Variants in RASGRP3 observed in about 807,000 individuals in gnomAD.
RASGRP3 encodes the protein ras guanyl-releasing protein 3.
In RASGRP3, 54 loss-of-function variants were observed where a neutral mutation model predicts 82.7. That is an observed-to-expected ratio of 0.65 (90% CI 0.52 to 0.82). The LOEUF (loss-of-function observed/expected upper bound fraction) is 0.82. Among genes scored for constraint, RASGRP3 ranks in the 40% least tolerant of loss-of-function variants. RASGRP3 has a pLI of 0.00. For missense variants in RASGRP3, 861 were observed against 828.9 expected (o/e 1.04, Z -0.48); for synonymous variants, 309 against 300.5 (o/e 1.03, Z -0.29).
At chr2:33,551,299 C>T (rs942006781) in intron 14 of RASGRP3, among the ~76,000 whole-genome samples, 2 of 151,730 alleles carry the variant, frequency 1.3e-5, no homozygotes, top group African/African-American at 2.4e-5. Context: ...GGTGACAGAG[C>T]GAGACTCAGT....
intron 2 of RASGRP3, chr2:33,513,881 C>G (rs1351661716): frequency 6.6e-6 from 1 of 152,154 alleles, no homozygotes; most frequent in Non-Finnish European, 1.5e-5. Flanking sequence ...GAGTGATACC[C>G]TTTACACTAG....
intron 17 of RASGRP3, among the ~76,000 whole-genome samples, chr2:33,562,004 TAAATA>T (rs1002431052): frequency 6.6e-6 from 1 of 152,094 alleles, no homozygotes; most frequent in East Asian, 1.9e-4. Context: ...AAATGCTGAC[TAAATA>T]AAATGGAATA....
chr2:33,558,784 G>A lies in RASGRP3; in HGVS notation c.1818G>A (p.Gln606=), dbSNP rs1174163200. Reference sequence around the variant, plus strand: ...CTCGCAAGATCTCTGTGAGGCTACAGAGGGCCACCACCAGCCAGGCCACCC... The same window carrying A: ...CTCGCAAGATCTCTGTGAGGCTACAAAGGGCCACCACCAGCCAGGCCACCC... ...GSSRKISVRL[Q]RATTSQATQT... The change falls in exon 17 of 18, where the codon CAG becomes CAA. Residue 606 remains glutamine, a synonymous_variant. Coordinates refer to ENST00000403687, the MANE Select transcript of RASGRP3 (RefSeq NM_001139488.2). The A allele has an allele frequency of 2.5e-6, 4 of 1,613,998 alleles. No homozygotes were observed. The highest frequency in any genetic ancestry group is 1.3e-5 in the African/African-American group (1 of 75,034).
chr2:33,554,031 C>T lies in RASGRP3; in HGVS notation c.1543-1500C>T, dbSNP rs566706464. ...GGATTACAGGCGTGAGCCACCGCGCCCGGCTGACATTTGCATTTTAATATG... is the reference window on the plus strand; with the variant it reads ...GGATTACAGGCGTGAGCCACCGCGCTCGGCTGACATTTGCATTTTAATATG... On this transcript the variant is annotated intron_variant, in intron 14 of 17. Transcript: ENST00000403687. Among the ~76,000 whole-genome samples the T allele has an allele frequency of 7.2e-5, 11 of 152,260 alleles. No individual in the cohort carries two copies. The South Asian group carries it at 1.9e-3, about 26-fold the overall frequency.
Position 33,464,096 on chromosome 2 carries a change from T to TTAATAATAA in RASGRP3, c.-261+16161_-261+16169dup, listed in dbSNP as rs141203941. On this transcript the variant is annotated intron_variant, in intron 2 of 18. Transcript: ENST00000402538. ...TTAGTAATTCTTGCAATATTCAAAC[T>TTAATAATAA]TAATAATAATAATAATTATTATTAT... Among the ~76,000 whole-genome samples, 354 of 134,510 alleles carry TTAATAATAA rather than the reference T, an allele frequency of 2.6e-3. 4 individuals are homozygous for TTAATAATAA. The highest frequency in any genetic ancestry group is 8.8e-3 in the African/African-American group (327 of 37,132). The allele number at this position is 134,510 out of a possible 152,430, so 88.2% of individuals were successfully genotyped here.
chr2:33,465,547 T>A (rs1296798282), intron 2 of RASGRP3, among the ~76,000 whole-genome samples: 1 of 152,218 alleles, frequency 6.6e-6, no homozygotes, highest in Non-Finnish European at 1.5e-5. Context: ...GAACATGTTA[T>A]TAAGTAAAGT....
At chr2:33,542,410 T>C (rs1048346861) in intron 12 of RASGRP3, among the ~76,000 whole-genome samples, 6 of 147,226 alleles carry the variant, frequency 4.1e-5, no homozygotes, top group African/African-American at 1.5e-4. Context: ...TTAGCCTGTT[T>C]TCAACATGCC....
intron 1 of RASGRP3, among the ~76,000 whole-genome samples, chr2:33,437,480 T>C (rs939589878): frequency 3.3e-5 from 5 of 152,236 alleles, no homozygotes; most frequent in Admixed American, 6.5e-5. Flanking sequence ...GTTACCACAA[T>C]GACTAACAGA....
At chr2:33,512,179 C>A (rs149019116) in intron 2 of RASGRP3, among the ~76,000 whole-genome samples, 3 of 152,202 alleles carry the variant, frequency 2.0e-5, no homozygotes, top group African/African-American at 7.2e-5. Flanking sequence ...GATAGCCCGG[C>A]CCACCTGGCC....
intron 2 of RASGRP3, among the ~76,000 whole-genome samples, chr2:33,460,717 G>C (rs922161266): frequency 3.3e-5 from 5 of 151,994 alleles, no homozygotes; most frequent in African/African-American, 1.2e-4. Flanking sequence ...GTTTCACCTT[G>C]TTGCCTAGGC....
At chr2:33,537,578 C>G (rs937937454) in intron 11 of RASGRP3, among the ~76,000 whole-genome samples, 1 of 152,064 alleles carries the variant, frequency 6.6e-6, no homozygotes. Context: ...CCAGGCTGGT[C>G]TCAAACTCCT....
intron 1 of RASGRP3, among the ~76,000 whole-genome samples, chr2:33,488,593 G>A (rs371305545): frequency 6.6e-6 from 1 of 152,326 alleles, no homozygotes; most frequent in East Asian, 1.9e-4. Flanking sequence ...TCCTCCAGAA[G>A]AGGATTAAAG....
At chr2:33,491,855 C>A (rs766496022) in intron 1 of RASGRP3, among the ~76,000 whole-genome samples, 3 of 152,230 alleles carry the variant, frequency 2.0e-5, no homozygotes, top group Non-Finnish European at 4.4e-5. Context: ...CAGCCCGTGG[C>A]TGAGGCTTAG....
At position 33,462,058 on chromosome 2, in the gene RASGRP3, C is replaced by A. The variant is rs73926664; in HGVS notation, c.-261+14115C>A. On this transcript the variant is annotated intron_variant, in intron 2 of 18. Coordinates refer to the RASGRP3 transcript ENST00000402538. ...CAAAAGCGATTAACTGGAACATTGA[C>A]ATTGTTTAGAATTATGTACAATGTT... 3.7e-3 allele frequency among the ~76,000 whole-genome samples: 561 copies of A among 152,184 alleles called. 1 individual carries two copies. Among genetic ancestry groups the A allele is most frequent in the African/African-American group, 0.013 (534 of 41,522 alleles).
At chr2:33,482,924 A>G (rs1668063715) in intron 1 of RASGRP3, 1 of 152,222 alleles carries the variant, frequency 6.6e-6, no homozygotes, top group African/African-American at 2.4e-5. Context: ...ATTAAAAAAT[A>G]TTCTGAAAAA....
intron 10 of RASGRP3, among the ~76,000 whole-genome samples, chr2:33,529,966 AG>A (rs1283452009): frequency 1.3e-5 from 2 of 152,208 alleles, no homozygotes; most frequent in Non-Finnish European, 2.9e-5. Flanking sequence ...CTGTCCCCAC[AG>A]CCAAGAAGAA....
At chr2:33,560,195 CA>C (rs1676491977) in intron 17 of RASGRP3, among the ~76,000 whole-genome samples, 1 of 152,184 alleles carries the variant, frequency 6.6e-6, no homozygotes, top group East Asian at 1.9e-4. Context: ...TTCATTATTC[CA>C]AAAAGAAATC....
chr2:33,460,741 C>T (rs891883567), intron 2 of RASGRP3, among the ~76,000 whole-genome samples: 12 of 152,100 alleles, frequency 7.9e-5, no homozygotes, highest in African/African-American at 2.9e-4. Context: ...TCTTGAACCC[C>T]TGAGCTCAGG....
intron 12 of RASGRP3, among the ~76,000 whole-genome samples, chr2:33,540,545 G>C (rs113969440): frequency 0.057 from 2,221 of 38,866 alleles, 137 homozygotes; most frequent in African/African-American, 0.2. Flanking sequence ...CTCTCTCTCT[G>C]TGTGTGTGTT....
Sources: gnomAD v4.1 joint callset for allele counts (sites outside exome capture counted in the v4.1 genomes callset) on GRCh38, gnomAD v4.1.1 for gene constraint, MANE v1.5 for transcripts, NCBI Gene and HGNC (gene_info 2026-07-23, HGNC 2026-07-21) for gene names.